The following ARID5B variants were observed in gnomAD, a reference collection of about 807,000 sequenced individuals.
ARID5B encodes AT-rich interactive domain-containing protein 5B.
Under a neutral mutation model 97.2 loss-of-function variants are expected in ARID5B, and 13 were observed. That is an observed-to-expected ratio of 0.13 (90% CI 0.09 to 0.21). ARID5B has a LOEUF of 0.21. ARID5B is among the 10% of genes least tolerant of loss of function. The pLI is 1.00. For synonymous variants in ARID5B, 556 were observed against 570.3 expected, an observed-to-expected ratio of 0.97 and a Z score of 0.36; for missense variants, 1,210 against 1,465.3, an observed-to-expected ratio of 0.83 and a Z score of 2.84.
intron 2 of ARID5B, among the ~76,000 whole-genome samples, chr10:61,911,253 T>C (rs1042071343): frequency 3.3e-5 from 5 of 152,234 alleles, no homozygotes; most frequent in African/African-American, 7.2e-5. Flanking sequence ...AATTAGACCA[T>C]ATTTTGTCTT....
At chr10:61,996,601 T>G (rs2132862480) in intron 3 of ARID5B, among the ~76,000 whole-genome samples, 1 of 152,262 alleles carries the variant, frequency 6.6e-6, no homozygotes, top group South Asian at 2.1e-4. Context: ...CTAATAAGGT[T>G]GTTGTGAGGA....
At chr10:62,075,901 G>A (rs1840125846) in intron 8 of ARID5B, among the ~76,000 whole-genome samples, 1 of 147,070 alleles carries the variant, frequency 6.8e-6, no homozygotes. Context: ...TTGATTAACT[G>A]TCTTTTTTAT....
At chr10:62,082,603 C>A (rs1338364732) in intron 8 of ARID5B, among the ~76,000 whole-genome samples, 1 of 152,292 alleles carries the variant, frequency 6.6e-6, no homozygotes, top group South Asian at 2.1e-4. Flanking sequence ...TTACTAAATT[C>A]TTTATATAAT....
chr10:61,991,610 C>A (rs185975850), intron 3 of ARID5B, among the ~76,000 whole-genome samples: 1 of 152,288 alleles, frequency 6.6e-6, no homozygotes, highest in African/African-American at 2.4e-5. Context: ...TATTTTCCCC[C>A]TCTCCAAGAC....
At chr10:61,938,586 G>A (rs1354429819) in intron 2 of ARID5B, among the ~76,000 whole-genome samples, 2 of 152,098 alleles carry the variant, frequency 1.3e-5, no homozygotes, top group Non-Finnish European at 1.5e-5. Context: ...AGGATGGTGT[G>A]GTGAATCTGA....
At chr10:62,076,151 A>G (rs1474611792) in intron 8 of ARID5B, among the ~76,000 whole-genome samples, 1 of 152,170 alleles carries the variant, frequency 6.6e-6, no homozygotes, top group African/African-American at 2.4e-5. Context: ...GGGAGCCACC[A>G]CGACTCATTA....
At chr10:61,914,617 T>C (rs1412352263) in intron 2 of ARID5B, among the ~76,000 whole-genome samples, 1 of 152,230 alleles carries the variant, frequency 6.6e-6, no homozygotes, top group Non-Finnish European at 1.5e-5. Flanking sequence ...TATTTCTCTT[T>C]CCCGAAACCA....
intron 3 of ARID5B, among the ~76,000 whole-genome samples, chr10:61,982,507 A>G (rs1284295092): frequency 6.6e-6 from 1 of 152,204 alleles, no homozygotes; most frequent in Non-Finnish European, 1.5e-5. Context: ...AGTTAAAAAA[A>G]ATGCTTTTAA....
intron 2 of ARID5B, among the ~76,000 whole-genome samples, chr10:61,926,682 C>T (rs553554984): frequency 8.5e-5 from 13 of 152,266 alleles, no homozygotes; most frequent in East Asian, 1.9e-4. Context: ...GATCTCAGCT[C>T]GCTGCAACCT....
At chr10:61,920,141 C>A (rs1843986525) in intron 2 of ARID5B, among the ~76,000 whole-genome samples, 1 of 151,938 alleles carries the variant, frequency 6.6e-6, no homozygotes, top group Non-Finnish European at 1.5e-5. Context: ...TTGCCTTAAT[C>A]TTTACAGGCT....
chr10:61,974,405 G>A (rs1401409257), intron 3 of ARID5B, among the ~76,000 whole-genome samples: 1 of 152,182 alleles, frequency 6.6e-6, no homozygotes, highest in Non-Finnish European at 1.5e-5. Context: ...GAAAGAGAGA[G>A]AGGAGAACAA....
intron 2 of ARID5B, among the ~76,000 whole-genome samples, chr10:61,908,820 A>AAAAAG (rs1251041161): frequency 1.7e-3 from 243 of 146,196 alleles, no homozygotes; most frequent in African/African-American, 5.9e-3. Context: ...AAAAAAAAAA[A>AAAAAG]AAGAAGAAGA....
intron 8 of ARID5B, among the ~76,000 whole-genome samples, chr10:62,077,789 C>T (rs1840157657): frequency 6.6e-6 from 1 of 152,170 alleles, no homozygotes; most frequent in Non-Finnish European, 1.5e-5. Context: ...AGGGTTTTAT[C>T]ATTAAGATTA....
chr10:61,902,267 G>T lies in ARID5B; in HGVS notation c.130G>T (p.Val44Leu). ...RILSLGDFFF[V>L]RCTPKDPICI... is the part of the protein sequence containing the mutation. Reference sequence around the variant, plus strand: ...TTTGTCCCTTGGCGACTTTTTCTTTGTAAGATGTACGCCAAAGGATCCGAT... The same window carrying T: ...TTTGTCCCTTGGCGACTTTTTCTTTTTAAGATGTACGCCAAAGGATCCGAT... Residue 44 changes from valine (V) to leucine (L), a missense_variant, in exon 2 of 10, where the codon GTA (valine) becomes TTA (leucine). Val to Leu is a conservative substitution (Grantham distance 32). Around this residue, in one of 8 missense-constraint regions of ARID5B, gnomAD observed 80 missense variants for 133.2 expected, o/e 0.60. Transcript: ENST00000279873. 6.2e-7 allele frequency: 1 copy of T among 1,614,004 alleles called. No homozygotes were observed.
At chr10:62,034,510 A>G (rs1839537197) in intron 4 of ARID5B, among the ~76,000 whole-genome samples, 1 of 152,232 alleles carries the variant, frequency 6.6e-6, no homozygotes, top group Non-Finnish European at 1.5e-5. Context: ...ATGCGCTTAT[A>G]TAATTAAGTG....
intron 4 of ARID5B, among the ~76,000 whole-genome samples, chr10:62,030,286 C>T (rs950972631): frequency 3.3e-5 from 5 of 151,986 alleles, no homozygotes; most frequent in East Asian, 1.9e-4. Flanking sequence ...CCTGCTATCA[C>T]GCCCAGCTAA....
At chr10:61,996,457 A>T (rs2132862360) in intron 3 of ARID5B, among the ~76,000 whole-genome samples, 2 of 152,252 alleles carry the variant, frequency 1.3e-5, no homozygotes, top group Middle Eastern at 6.8e-3. Context: ...CAGGAGGCAG[A>T]GGTAGGAGGA....
At position 62,046,005 on chromosome 10, in the gene ARID5B, A is replaced by T. The variant is rs546419191; in HGVS notation, c.734-4883A>T. Among the ~76,000 whole-genome samples, 3 of 152,318 alleles carry T rather than the reference A, an allele frequency of 2.0e-5. No individual in the cohort carries two copies. In the East Asian group the frequency reaches 5.8e-4, roughly 29 times the overall value. On this transcript the variant is annotated intron_variant, in intron 4 of 9. Transcript: ENST00000279873. ...ATTGTGCTGGTTTTCCATTCCCCTG[A>T]TTCCAGTCCCTACCAACAAGTAAAT...
Position 62,024,737 on chromosome 10 carries a change from G to A in ARID5B, c.733+24416G>A, listed in dbSNP as rs1839398429. On this transcript the variant is annotated intron_variant, in intron 4 of 9. Transcript: ENST00000279873. ...AAAGTTACCAAACCAATGAACTGAA[G>A]AAAATCTAGAAAAGTTTTCACGGGT... The A allele has an allele frequency of 1.3e-5, 5 of 395,824 alleles. No homozygotes were observed. In the East Asian group the frequency reaches 1.8e-4, roughly 14 times the overall value. 24.5% of individuals were successfully genotyped at this position (395,824 alleles called of 1,614,324 possible). A position where few individuals can be genotyped will look rare whatever the true frequency, so the allele number is the denominator to read the frequency against.
Sources: allele counts gnomAD v4.1 joint callset (sites outside exome capture counted in the v4.1 genomes callset), GRCh38; gene constraint gnomAD v4.1.1; regional missense constraint gnomAD v4.1.1; transcripts MANE v1.5; gene names NCBI Gene and HGNC (gene_info 2026-07-23, HGNC 2026-07-21).